The following ERGIC1 variants were observed in gnomAD, a reference collection of about 807,000 sequenced individuals.
ERGIC1 encodes endoplasmic reticulum-golgi intermediate compartment 1, also known as endoplasmic reticulum-Golgi intermediate compartment protein 1.
ERGIC1 carries 19 observed loss-of-function variants against 38.3 expected under a neutral mutation model. The ratio of observed to expected loss-of-function variants is 0.50; its 90% CI spans 0.35 to 0.73. The LOEUF (loss-of-function observed/expected upper bound fraction) is 0.73. Among genes scored for constraint, ERGIC1 ranks in the 30% least tolerant of loss-of-function variants. The pLI is 0.01. For synonymous variants in ERGIC1, 124 were observed against 157.6 expected (o/e 0.79, Z 1.60); for missense variants, 294 against 389.2 (o/e 0.76, Z 2.06).
In ERGIC1 at chr5:172,935,173, T is replaced by A; in HGVS notation, c.643-15T>A. On this transcript the variant is annotated splice_polypyrimidine_tract_variant and intron_variant, in intron 8 of 9. Coordinates refer to ENST00000393784, the MANE Select transcript of ERGIC1 (RefSeq NM_001031711.3). Reference sequence around the variant, plus strand: ...ACACAGTTTGTACTTCTGATTCTTATATCCTCTACCCCAGGAATACGTCGC... The same window carrying A: ...ACACAGTTTGTACTTCTGATTCTTAAATCCTCTACCCCAGGAATACGTCGC... 1 of 1,613,994 alleles carries A rather than the reference T, an allele frequency of 6.2e-7. No individual in the cohort carries two copies. Among genetic ancestry groups the A allele is most frequent in the Non-Finnish European group, 8.5e-7 (1 of 1,180,000 alleles).
intron 9 of ERGIC1, among the ~76,000 whole-genome samples, chr5:172,941,788 G>C (rs1764016874): frequency 6.6e-6 from 1 of 152,242 alleles, no homozygotes; most frequent in Non-Finnish European, 1.5e-5. Context: ...CAGATTGGCT[G>C]ATAGTTTGCA....
intron 1 of ERGIC1, among the ~76,000 whole-genome samples, chr5:172,856,926 C>T (rs1402109695): frequency 1.3e-5 from 2 of 152,158 alleles, no homozygotes; most frequent in South Asian, 2.1e-4. Context: ...GCCGTGCATA[C>T]AAAATGCCTG....
At chr5:172,923,093 G>C in intron 5 of ERGIC1, among the ~76,000 whole-genome samples, 1 of 133,502 alleles carries the variant, frequency 7.5e-6, no homozygotes, top group Admixed American at 7.3e-5. Context: ...GGAGGAGGAG[G>C]GTTCCAGGAT....
chr5:172,947,200 AG>A (rs1290925454), intron 9 of ERGIC1, among the ~76,000 whole-genome samples: 7 of 137,766 alleles, frequency 5.1e-5, no homozygotes, highest in Non-Finnish European at 9.5e-5. Context: ...AAAAAAAAAA[AG>A]AAAGACATGA....
In ERGIC1 at chr5:172,853,347, C is replaced by T. The variant is rs543527354; in HGVS notation, c.20+18914C>T. 3.3e-5 allele frequency among the ~76,000 whole-genome samples: 5 copies of T among 152,344 alleles called. No homozygotes were observed. The South Asian group carries it at 8.3e-4, about 25-fold the overall frequency. On this transcript the variant is annotated intron_variant, in intron 1 of 9. Coordinates refer to ENST00000393784, the MANE Select transcript of ERGIC1 (RefSeq NM_001031711.3). The stretch of plus-strand genomic sequence containing the variant: ...GCTTTTGGAAATCCCTGCATACCCG[C>T]AACGGCTCCCGTGGTGGGGGTGGAG...
chr5:172,927,720 C>T (rs1047385293), intron 7 of ERGIC1, among the ~76,000 whole-genome samples: 1 of 151,946 alleles, frequency 6.6e-6, no homozygotes, highest in Non-Finnish European at 1.5e-5. Flanking sequence ...GCTGGGATTA[C>T]AGGTGCCTGC....
intron 8 of ERGIC1, chr5:172,934,677 C>A: frequency 5.8e-6 from 1 of 171,292 alleles, no homozygotes; most frequent in South Asian, 1.4e-4. Flanking sequence ...TTCCTCCATC[C>A]CACATGCATG....
Position 172,950,706 on chromosome 5 carries a change from C to A in ERGIC1, c.766-3C>A, listed in dbSNP as rs768972504. 2 of 1,610,468 alleles carry A rather than the reference C, an allele frequency of 1.2e-6. No homozygotes were observed. Among genetic ancestry groups the A allele is most frequent in the South Asian group, 1.1e-5 (1 of 90,730 alleles). On this transcript the variant is annotated splice_region_variant and splice_polypyrimidine_tract_variant and intron_variant, in intron 9 of 9. Transcript: ENST00000393784. ...CTCCCACCCCACCCCTGCCCTCTTG[C>A]AGATCTGTGCCATCATTGGCGGGAC...
intron 9 of ERGIC1, among the ~76,000 whole-genome samples, chr5:172,945,553 G>T (rs912384058): frequency 6.6e-6 from 1 of 152,188 alleles, no homozygotes; most frequent in Non-Finnish European, 1.5e-5. Flanking sequence ...CCATTTCTTG[G>T]CCATAAGGTT....
intron 1 of ERGIC1, among the ~76,000 whole-genome samples, chr5:172,853,673 A>G (rs1008938918): frequency 5.3e-5 from 8 of 152,220 alleles, no homozygotes; most frequent in Non-Finnish European, 1.0e-4. Context: ...AGCCTCTCCA[A>G]GGAGCTGCGT....
rs1763658941 is a variant in ERGIC1 at position 172,926,677 on chromosome 5, G to A, written c.541+108G>A. 1.6e-5 allele frequency: 20 copies of A among 1,251,518 alleles called. No individual in the cohort carries two copies. In the South Asian group the frequency reaches 2.2e-4, roughly 14 times the overall value. 77.5% of individuals were successfully genotyped at this position (1,251,518 alleles called of 1,614,324 possible). ...GTGCCTGTCCAGCACCCACTCCAAG[G>A]CAGGGAGGCTGCTGCTCACACTCCA... On this transcript the variant is annotated intron_variant, in intron 7 of 9. Transcript: ENST00000393784. This position sits in a 1 kb window ranked among gnomAD's most constrained non-coding sequence, Gnocchi z 5.2.
intron 1 of ERGIC1, among the ~76,000 whole-genome samples, chr5:172,885,260 G>T (rs1185127926): frequency 6.6e-6 from 1 of 151,926 alleles, no homozygotes; most frequent in Non-Finnish European, 1.5e-5. Context: ...CTCCTGACTA[G>T]CTGGGACTAC....
chr5:172,876,990 C>T (rs896281711), intron 1 of ERGIC1, among the ~76,000 whole-genome samples: 5 of 152,114 alleles, frequency 3.3e-5, no homozygotes, highest in African/African-American at 1.2e-4. Flanking sequence ...TCTTTTATTA[C>T]TTGAGCTTTT....
intron 7 of ERGIC1, among the ~76,000 whole-genome samples, chr5:172,928,735 GA>G (rs1214316578): frequency 6.6e-6 from 1 of 152,060 alleles, no homozygotes; most frequent in Non-Finnish European, 1.5e-5. Flanking sequence ...GATGGTGGTG[GA>G]GTGCGGTCAT....
At chr5:172,854,043 C>T (rs1761478055) in intron 1 of ERGIC1, among the ~76,000 whole-genome samples, 1 of 152,164 alleles carries the variant, frequency 6.6e-6, no homozygotes, top group Admixed American at 6.5e-5. Flanking sequence ...GTGGGAGTTT[C>T]ACAGGATGGT....
chr5:172,914,602 A>G, intron 4 of ERGIC1, 112 bp from the exon 5 acceptor site: 1 of 1,582,880 alleles, frequency 6.3e-7, no homozygotes, highest in Non-Finnish European at 8.6e-7. Context: ...GGAGGTCCCC[A>G]GCCCGGCCTG....
intron 9 of ERGIC1, among the ~76,000 whole-genome samples, chr5:172,949,655 C>T (rs113113305): frequency 1.5e-4 from 22 of 142,562 alleles, no homozygotes; most frequent in South Asian, 4.5e-4. Flanking sequence ...CACAGCGTGG[C>T]GGGGGGGGGT....
At chr5:172,898,797 A>G (rs1452073692) in intron 3 of ERGIC1, among the ~76,000 whole-genome samples, 1 of 152,140 alleles carries the variant, frequency 6.6e-6, no homozygotes, top group Non-Finnish European at 1.5e-5. Flanking sequence ...CAGGGTTCGA[A>G]GAAGGGGTTT....
At chr5:172,896,305 TG>T (rs1561723307) in intron 2 of ERGIC1, among the ~76,000 whole-genome samples, 3 of 152,232 alleles carry the variant, frequency 2.0e-5, no homozygotes, top group Admixed American at 2.0e-4. Flanking sequence ...ATTGCGCCAC[TG>T]CACTCCAGCC....
Sources: allele counts gnomAD v4.1 joint callset (sites outside exome capture counted in the v4.1 genomes callset), GRCh38; gene constraint gnomAD v4.1.1; non-coding constraint Gnocchi (gnomAD v3.1); transcripts MANE v1.5; gene names NCBI Gene and HGNC (gene_info 2026-07-23, HGNC 2026-07-21).